USP28: variants seen among roughly 807,000 people sequenced by gnomAD.
The protein encoded by USP28 is ubiquitin carboxyl-terminal hydrolase 28.
A neutral mutation model predicts 145.0 loss-of-function variants in USP28; 113 were observed. That is an observed-to-expected ratio of 0.78 (90% confidence interval 0.67 to 0.91). USP28 has a LOEUF of 0.91. Ranked by LOEUF, USP28 falls within the 40% of genes least tolerant of loss-of-function variation. USP28 has a pLI of 0.00. For synonymous variants in USP28, 447 were observed against 450.9 expected, an observed-to-expected ratio of 0.99 and a Z score of 0.11; for missense variants, 1,201 against 1,289.6, an observed-to-expected ratio of 0.93 and a Z score of 1.05.
At chr11:113,833,456 T>C in exon 7 of USP28, 1 of 1,614,176 alleles carries the variant, frequency 6.2e-7, no homozygotes, top group Admixed American at 1.7e-5. Flanking sequence ...CTCCCTTTAA[T>C]AGATCCAGGG....
intron 15 of USP28, 125 bp from the exon 16 acceptor site, chr11:113,812,629 T>A: frequency 1.2e-6 from 1 of 850,076 alleles, no homozygotes; most frequent in Non-Finnish European, 1.8e-6. Flanking sequence ...ATCTTGTTGA[T>A]TCAAGATGAA....
intron 5 of USP28, among the ~76,000 whole-genome samples, chr11:113,839,175 T>G (rs1458922362): frequency 1.3e-5 from 2 of 152,240 alleles, no homozygotes; most frequent in Non-Finnish European, 2.9e-5. Flanking sequence ...TCATTTAAGT[T>G]GGAGGATTTG....
At position 113,804,789 on chromosome 11, in the gene USP28, C is replaced by A. The variant is rs754190751; in HGVS notation, c.2580-38G>T. 3 of 1,611,848 alleles carry A rather than the reference C, an allele frequency of 1.9e-6. No homozygotes were observed. The African/African-American group carries it at 4.1e-5, about 22-fold the overall frequency. On this transcript the variant is annotated intron_variant, in intron 20 of 24. Transcript: ENST00000003302. ...AAGTTCAGAAAGCAATGAAAAGGCA[C>A]AGGGCAAAACTTCCCCAACAGAGGA...
At chr11:113,803,254 T>A (rs760584884) in exon 23 of USP28, 1 of 1,613,184 alleles carries the variant, frequency 6.2e-7, no homozygotes, top group Non-Finnish European at 8.5e-7. Context: ...GGTAGGCATA[T>A]ACCAGGTAGG....
intron 9 of USP28, 75 bp downstream of exon 9, chr11:113,830,792 C>A: frequency 1.4e-6 from 2 of 1,426,048 alleles, no homozygotes; most frequent in South Asian, 1.2e-5. Flanking sequence ...ATTCACTATA[C>A]TGCCTCCTCA....
intron 12 of USP28, chr11:113,821,134 GT>G (rs1277439986): frequency 4.2e-6 from 1 of 236,966 alleles, no homozygotes; most frequent in Admixed American, 4.4e-5. Context: ...TGGATGGCAT[GT>G]CCACCACCAT....
chr11:113,875,539 C>T (rs1248661276), exon 1 of USP28: 6 of 1,137,350 alleles, frequency 5.3e-6, no homozygotes, highest in East Asian at 4.6e-5. Flanking sequence ...GGTCTCCCGC[C>T]GCAGCCGCCG....
intron 5 of USP28, among the ~76,000 whole-genome samples, chr11:113,839,970 C>G (rs899449347): frequency 6.6e-6 from 1 of 152,096 alleles, no homozygotes; most frequent in African/African-American, 2.4e-5. Context: ...GAGCTGAGAT[C>G]GCACCACTGT....
chr11:113,864,388 T>C (rs565022811), intron 1 of USP28, among the ~76,000 whole-genome samples: 5 of 152,088 alleles, frequency 3.3e-5, no homozygotes, highest in Non-Finnish European at 7.4e-5. Flanking sequence ...TGAAATTTAT[T>C]ATAAGGAATT....
chr11:113,803,986 G>A (rs1939505329), intron 21 of USP28, 109 bp from the exon 23 acceptor site: 3 of 902,186 alleles, frequency 3.3e-6, no homozygotes, highest in South Asian at 3.6e-5. Flanking sequence ...CATCTGGCTA[G>A]CCACAAAAAT....
intron 15 of USP28, 105 bp downstream of exon 15, chr11:113,813,780 T>C (rs1003207604): frequency 1.2e-6 from 1 of 851,348 alleles, no homozygotes; most frequent in Non-Finnish European, 1.9e-6. Flanking sequence ...TATTCTTTTA[T>C]CTTAGGGGGA....
At chr11:113,869,034 C>A (rs1477257132) in intron 1 of USP28, among the ~76,000 whole-genome samples, 1 of 151,978 alleles carries the variant, frequency 6.6e-6, no homozygotes, top group Non-Finnish European at 1.5e-5. Flanking sequence ...GTGGCTCATG[C>A]CTGTAATCCC....
At position 113,808,325 on chromosome 11, in the gene USP28, C is replaced by G. The variant is rs1565337166; in HGVS notation, c.2277G>C (p.Lys759Asn). Residue 759 changes from lysine to asparagine, a missense_variant, in exon 18 of 25, where the codon AAG becomes AAC. Coordinates refer to ENST00000003302, the Ensembl canonical transcript of USP28. ...CACTCAGTGCCGCTTCTACACCGCT[C>G]TTCTCATAGGCACGGGCTGTGTTTG... 1.9e-6 allele frequency: 3 copies of G among 1,613,854 alleles called. No homozygotes were observed. The highest frequency in any genetic ancestry group is 2.5e-6 in the Non-Finnish European group (3 of 1,180,024).
At chr11:113,861,796 T>C (rs1947723489) in intron 1 of USP28, among the ~76,000 whole-genome samples, 2 of 152,184 alleles carry the variant, frequency 1.3e-5, no homozygotes, top group African/African-American at 4.8e-5. Flanking sequence ...ATTAAGACAA[T>C]ATTTTTCATT....
exon 6 of USP28, chr11:113,834,289 C>T: frequency 6.2e-7 from 1 of 1,611,632 alleles, no homozygotes; most frequent in Admixed American, 1.7e-5. Flanking sequence ...TTGTGGCAGA[C>T]TATAACTGAG....
At chr11:113,803,270 G>A in exon 23 of USP28, 1 of 1,612,468 alleles carries the variant, frequency 6.2e-7, no homozygotes. Context: ...GTAGGAAAGT[G>A]CCTCTTGGTA....
intron 5 of USP28, chr11:113,835,104 T>G: frequency 5.5e-6 from 2 of 366,364 alleles, no homozygotes; most frequent in South Asian, 4.2e-5. Context: ...TCTCCACTCC[T>G]TGTCATAGTA....
At chr11:113,844,428 T>G (rs1247538134) in intron 3 of USP28, among the ~76,000 whole-genome samples, 1 of 149,372 alleles carries the variant, frequency 6.7e-6, no homozygotes, top group African/African-American at 2.5e-5. Context: ...TGGGCAACAG[T>G]GTGAGACTCC....
chr11:113,818,541 G>A (rs1942109428), intron 12 of USP28, among the ~76,000 whole-genome samples: 1 of 151,996 alleles, frequency 6.6e-6, no homozygotes, highest in Admixed American at 6.6e-5. Flanking sequence ...TTTTCTTTAA[G>A]AAACTTATCT....
Sources: gnomAD v4.1 joint callset for allele counts (sites outside exome capture counted in the v4.1 genomes callset) on GRCh38, gnomAD v4.1.1 for gene constraint, MANE v1.5 for transcripts, NCBI Gene and HGNC (gene_info 2026-07-23, HGNC 2026-07-21) for gene names.